Variants in TRAPPC9 observed in about 807,000 individuals in gnomAD.
The protein encoded by TRAPPC9 is trafficking protein particle complex subunit 9, also known as IKK2 binding protein.
Under a neutral mutation model 124.0 loss-of-function variants are expected in TRAPPC9, and 83 were observed. The ratio of observed to expected loss-of-function variants is 0.67; its 90% confidence interval spans 0.56 to 0.80. TRAPPC9 has a LOEUF of 0.80. Ranked by LOEUF, TRAPPC9 falls within the 30% of genes least tolerant of loss-of-function variation. TRAPPC9 has a pLI of 0.00. For synonymous variants in TRAPPC9, 638 were observed against 617.5 expected (o/e 1.03, Z -0.49); for missense variants, 1,302 against 1,508.3 (o/e 0.86, Z 2.27).
chr8:140,336,786 C>G (rs980051346), intron 9 of TRAPPC9, among the ~76,000 whole-genome samples: 2 of 152,140 alleles, frequency 1.3e-5, no homozygotes, highest in Non-Finnish European at 2.9e-5. Flanking sequence ...CAGAAACAAA[C>G]TAATGGAAGT....
intron 14 of TRAPPC9, among the ~76,000 whole-genome samples, chr8:140,276,779 A>C (rs1225360335): frequency 6.6e-6 from 1 of 152,060 alleles, no homozygotes; most frequent in Non-Finnish European, 1.5e-5. Flanking sequence ...TGGCCACAGG[A>C]CAAAGGGGCA....
intron 5 of TRAPPC9, among the ~76,000 whole-genome samples, chr8:140,413,942 G>A (rs1564007860): frequency 6.6e-6 from 1 of 151,716 alleles, no homozygotes; most frequent in Non-Finnish European, 1.5e-5. Flanking sequence ...CCAAGTCTTT[G>A]CTATTGTGAA....
chr8:140,284,588 T>C (rs1011644651), intron 13 of TRAPPC9, among the ~76,000 whole-genome samples: 2 of 152,228 alleles, frequency 1.3e-5, no homozygotes, highest in African/African-American at 4.8e-5. Context: ...GATAATCACT[T>C]GAAATTGTTT....
chr8:140,421,372 T>C (rs2070199874), intron 5 of TRAPPC9, among the ~76,000 whole-genome samples: 2 of 152,236 alleles, frequency 1.3e-5, no homozygotes, highest in African/African-American at 2.4e-5. Flanking sequence ...CAATATTACA[T>C]GACTTGTCAA....
chr8:139,874,878 A>G (rs892307197), intron 21 of TRAPPC9, among the ~76,000 whole-genome samples: 13 of 152,186 alleles, frequency 8.5e-5, no homozygotes, highest in African/African-American at 3.1e-4. Flanking sequence ...CCACACGCGC[A>G]TAACCGGGGG....
At position 140,206,756 on chromosome 8, in the gene TRAPPC9, C is replaced by CATATAT. The variant is rs150660269; in HGVS notation, c.2556+14697_2556+14702dup. ...ATACACACACACATACATATACATACATATATATATATATATATTTAAAAA... is the reference window on the plus strand; with the variant it reads ...ATACACACACACATACATATACATACATATATATATATATATATATATATTTAAAAA... On this transcript the variant is annotated intron_variant, in intron 17 of 22. Transcript: ENST00000438773. Among the ~76,000 whole-genome samples, 185 of 145,890 alleles carry CATATAT rather than the reference C, an allele frequency of 1.3e-3. 2 individuals are homozygous for CATATAT. The highest frequency in any genetic ancestry group is 4.8e-3 in the African/African-American group (184 of 38,526).
chr8:140,291,110 G>T (rs760214655), intron 11 of TRAPPC9, 32 bp from the exon 12 acceptor site: 2 of 1,575,372 alleles, frequency 1.3e-6, no homozygotes, highest in South Asian at 2.2e-5. Context: ...ATGAATCCAT[G>T]TATTAGTTGG....
At position 139,891,558 on chromosome 8, in the gene TRAPPC9, C is replaced by T. The variant is rs542805037; in HGVS notation, c.2965-5589G>A. Reference sequence around the variant, plus strand: ...ATGCAGGGTCCCGAACCCAGCTCAGCGGCACATGCGGCACCCTCCTGGAGC... The same window carrying T: ...ATGCAGGGTCCCGAACCCAGCTCAGTGGCACATGCGGCACCCTCCTGGAGC... On this transcript the variant is annotated intron_variant, in intron 20 of 22. Transcript: ENST00000438773. Among the ~76,000 whole-genome samples, 135 of 152,370 alleles carry T rather than the reference C, an allele frequency of 8.9e-4. 1 individual carries two copies. The highest frequency in any genetic ancestry group is 4.1e-3 in the Admixed American group (62 of 15,308).
rs150027530 is a variant in TRAPPC9, at chr8:140,330,742, G to A, written c.1496-19368C>T. ...TAAGAAGAAAGACCTGTACTACCCA[G>A]AGCAATCTACAAATTCAAATTACTT... is the stretch of plus-strand genomic sequence containing the variant. On this transcript the variant is annotated intron_variant, in intron 9 of 22. Transcript: ENST00000438773. Among the ~76,000 whole-genome samples the A allele has an allele frequency of 4.5e-4, 68 of 152,192 alleles. No homozygotes were observed. In the East Asian group the frequency reaches 0.013, roughly 29 times the overall value.
intron 17 of TRAPPC9, among the ~76,000 whole-genome samples, chr8:140,148,066 G>A (rs6982647): frequency 0.042 from 6,443 of 152,314 alleles, 456 homozygotes; most frequent in African/African-American, 0.15. Flanking sequence ...ACACACCCTA[G>A]CCTCCTGGAG....
chr8:140,371,001 G>A lies in TRAPPC9; in HGVS notation c.1314C>T (p.Gly438=), dbSNP rs1423100005. ...CYKLLLETLP[G]YSLSLDPKDF... is the part of the protein sequence containing the mutation. Reference sequence around the variant, plus strand: ...CTTTGGGATCCAGCGACAGACTGTAGCCGGGCAGCGTTTCCAGGAGGAGTT... The same window carrying A: ...CTTTGGGATCCAGCGACAGACTGTAACCGGGCAGCGTTTCCAGGAGGAGTT... The change falls in exon 8 of 23, where the codon GGC becomes GGT. Residue 438 remains glycine, a synonymous_variant. Transcript: ENST00000438773. The A allele has an allele frequency of 6.2e-7, 1 of 1,614,260 alleles. No individual in the cohort carries two copies. The highest frequency in any genetic ancestry group is 8.5e-7 in the Non-Finnish European group (1 of 1,180,050).
At chr8:139,759,569 C>T (rs887186608) in intron 21 of TRAPPC9, among the ~76,000 whole-genome samples, 9 of 152,252 alleles carry the variant, frequency 5.9e-5, no homozygotes, top group East Asian at 3.9e-4. Flanking sequence ...AGGGCTACAG[C>T]GGTTCCTCTG....
At chr8:140,295,465 C>T (rs1056162242) in intron 11 of TRAPPC9, among the ~76,000 whole-genome samples, 1 of 152,196 alleles carries the variant, frequency 6.6e-6, no homozygotes, top group Non-Finnish European at 1.5e-5. Context: ...GGCCACCACG[C>T]TGCCTCTGGG....
chr8:140,217,780 C>G (rs1026903971), intron 17 of TRAPPC9, among the ~76,000 whole-genome samples: 1 of 152,090 alleles, frequency 6.6e-6, no homozygotes, highest in Non-Finnish European at 1.5e-5. Flanking sequence ...CTTTGGGAGG[C>G]CAAGGCAGGC....
intron 17 of TRAPPC9, among the ~76,000 whole-genome samples, chr8:140,162,465 T>C (rs949405187): frequency 1.3e-5 from 2 of 152,208 alleles, no homozygotes; most frequent in African/African-American, 4.8e-5. Context: ...CCTATCTTAT[T>C]TGATCTGTAT....
At chr8:140,325,672 G>A (rs1212629715) in intron 9 of TRAPPC9, among the ~76,000 whole-genome samples, 2 of 152,182 alleles carry the variant, frequency 1.3e-5, no homozygotes, top group African/African-American at 4.8e-5. Context: ...CGTAAGTTCT[G>A]TCAAACATTT....
intron 17 of TRAPPC9, among the ~76,000 whole-genome samples, chr8:140,213,585 A>T (rs573043793): frequency 1.3e-4 from 19 of 149,814 alleles, no homozygotes; most frequent in Non-Finnish European, 1.8e-4. Flanking sequence ...TTTAATCTAC[A>T]TTTTTTTTTT....
chr8:140,136,348 C>G (rs2061303186), intron 17 of TRAPPC9, among the ~76,000 whole-genome samples: 1 of 152,180 alleles, frequency 6.6e-6, no homozygotes, highest in Non-Finnish European at 1.5e-5. Flanking sequence ...GGGCACGAGG[C>G]CCGGCTGCCT....
chr8:140,368,019 T>G (rs1469870301), intron 8 of TRAPPC9, among the ~76,000 whole-genome samples: 1 of 152,316 alleles, frequency 6.6e-6, no homozygotes, highest in East Asian at 1.9e-4. Flanking sequence ...AGAGCACACC[T>G]TATCCATCTT....
Sources: allele counts gnomAD v4.1 joint callset (sites outside exome capture counted in the v4.1 genomes callset), GRCh38; gene constraint gnomAD v4.1.1; transcripts MANE v1.5; gene names NCBI Gene and HGNC (gene_info 2026-07-23, HGNC 2026-07-21).